PSME4: variants seen among roughly 807,000 people sequenced by gnomAD.
The protein encoded by PSME4 is proteasome activator complex subunit 4.
Under a neutral mutation model 253.9 loss-of-function variants are expected in PSME4, and 89 were observed. The ratio of observed to expected loss-of-function variants is 0.35; its 90% CI spans 0.30 to 0.42. The LOEUF is 0.42. Ranked by LOEUF, PSME4 falls within the 10% of genes least tolerant of loss-of-function variation. The probability of loss-of-function intolerance (pLI) is 1.00; values close to 1 mark genes in which losing one functional copy is unlikely to be tolerated. For missense variants in PSME4, 2,014 were observed against 2,195.2 expected (o/e 0.92, Z 1.65); for synonymous variants, 851 against 759.2 (o/e 1.12, Z -1.99).
intron 46 of PSME4, chr2:53,865,847 C>G (rs805379): frequency 2.2e-6 from 1 of 460,438 alleles, no homozygotes; most frequent in Non-Finnish European, 3.8e-6. Flanking sequence ...CACCACTCAT[C>G]TACAAAGGTC....
rs1389969387 is a variant in PSME4 at position 53,865,052 on chromosome 2, G to A, written c.*526C>T. On this transcript the variant is annotated 3_prime_UTR_variant, in exon 47 of 47. Coordinates refer to ENST00000404125, the MANE Select transcript of PSME4 (RefSeq NM_014614.3). ...GGTCGAGCAATCCATCAGGTCATTG[G>A]TTAGGTTCAGGACTTGCCCTCTTTT... 3 of 152,634 alleles carry A rather than the reference G, an allele frequency of 2.0e-5. No homozygotes were observed. The highest frequency in any genetic ancestry group is 2.1e-4 in the South Asian group (1 of 4,822). The allele number at this position is 152,634 out of a possible 1,614,324, so 9.5% of individuals were successfully genotyped here. A position where few individuals can be genotyped will look rare whatever the true frequency, so the allele number is the denominator to read the frequency against.
intron 36 of PSME4, among the ~76,000 whole-genome samples, chr2:53,890,888 G>A (rs915382830): frequency 1.3e-5 from 2 of 152,108 alleles, no homozygotes; most frequent in African/African-American, 4.8e-5. Flanking sequence ...TTAGCTGAGC[G>A]TAGTGGCACA....
At chr2:53,923,237 G>T in intron 15 of PSME4, 84 bp downstream of exon 15, 2 of 1,475,080 alleles carry the variant, frequency 1.4e-6, no homozygotes, top group Non-Finnish European at 1.8e-6. Flanking sequence ...TGCATTTTAA[G>T]CATAGAAGCA....
At position 53,915,760 on chromosome 2, in the gene PSME4, T is replaced by A. The variant is rs140952347; in HGVS notation, c.2516+3391A>T. On this transcript the variant is annotated intron_variant, in intron 20 of 46. Transcript: ENST00000404125. ...AATTTTATCTAAGATTTATATAAGT[T>A]TAAATGTTTAAAAAAAAGAATTTTA... 2.6e-5 allele frequency among the ~76,000 whole-genome samples: 4 copies of A among 151,910 alleles called. No individual in the cohort carries two copies. In the South Asian group the frequency reaches 8.3e-4, roughly 32 times the overall value.
chr2:53,961,349 T>C (rs1670488275), intron 1 of PSME4, among the ~76,000 whole-genome samples: 3 of 152,002 alleles, frequency 2.0e-5, no homozygotes, highest in South Asian at 2.1e-4. Flanking sequence ...GACAGAAACA[T>C]AGATTAGGAT....
chr2:53,964,007 AT>A (rs759380061), intron 1 of PSME4, among the ~76,000 whole-genome samples: 2 of 152,198 alleles, frequency 1.3e-5, no homozygotes, highest in Non-Finnish European at 2.9e-5. Context: ...AATATTTGAT[AT>A]TTTTCATAAT....
At chr2:53,923,165 A>G (rs748819107) in intron 15 of PSME4, 47 bp from the exon 16 acceptor site, 1 of 1,521,592 alleles carries the variant, frequency 6.6e-7, no homozygotes, top group South Asian at 1.2e-5. Context: ...AGGCAAATAT[A>G]TACAAGATTA....
chr2:53,965,792 C>T (rs12329248), intron 1 of PSME4, among the ~76,000 whole-genome samples: 3,070 of 151,968 alleles, frequency 0.02, 103 homozygotes, highest in African/African-American at 0.071. Context: ...GCCTCAGCCC[C>T]CCGAGTAGCT....
Position 53,940,002 on chromosome 2 carries a change from TGG to T in PSME4, c.501-4_501-3del. 6.4e-7 allele frequency: 1 copy of T among 1,570,530 alleles called. No individual in the cohort carries two copies. Among genetic ancestry groups the T allele is most frequent in the Non-Finnish European group, 8.7e-7 (1 of 1,149,642 alleles). ...GTTTTGAGAATATTTTCTACAGAAC[TGG>T]GGGGGGAAAGCCATTTGATAATTAG... On this transcript the variant is annotated splice_region_variant and splice_polypyrimidine_tract_variant and intron_variant, in intron 3 of 46. Coordinates refer to ENST00000404125, the MANE Select transcript of PSME4 (RefSeq NM_014614.3).
intron 2 of PSME4, 40 bp from the exon 3 acceptor site, chr2:53,948,577 G>A (rs772178357): frequency 1.7e-6 from 2 of 1,170,334 alleles, no homozygotes; most frequent in African/African-American, 1.5e-5. Context: ...GTATGCATAT[G>A]TGCACAGATG....
chr2:53,872,601 G>A (rs533679887), intron 43 of PSME4, among the ~76,000 whole-genome samples: 5 of 151,802 alleles, frequency 3.3e-5, no homozygotes, highest in African/African-American at 7.2e-5. Flanking sequence ...AAGTAATTCC[G>A]TGTGGTGGCA....
In PSME4 at chr2:53,874,422, G is replaced by A. The variant is rs199594063; in HGVS notation, c.5017C>T (p.Leu1673Phe). Residue 1673 changes from leucine to phenylalanine, a missense_variant, in exon 43 of 47, where the codon CTC becomes TTC. Leu to Phe is a conservative substitution (Grantham distance 22). Coordinates refer to ENST00000404125, the MANE Select transcript of PSME4 (RefSeq NM_014614.3). ...TCTTCATTGTTTAGGAAAATAAAGA[G>A]GTTATAAAATACCATGGTCTGGAGG... ...TYLQTMVFYN[L>F]FIFLNNEDAV... The A allele has an allele frequency of 2.5e-6, 4 of 1,613,868 alleles. No homozygotes were observed. Among genetic ancestry groups the A allele is most frequent in the Non-Finnish European group, 3.4e-6 (4 of 1,179,802 alleles).
intron 10 of PSME4, among the ~76,000 whole-genome samples, chr2:53,930,229 C>T (rs1183865768): frequency 2.0e-5 from 3 of 151,950 alleles, no homozygotes; most frequent in African/African-American, 7.3e-5. Flanking sequence ...TAAAGAAAAA[C>T]GTGATAGGTC....
Position 53,923,571 on chromosome 2 carries a change from T to G in PSME4, c.1810-152A>C, listed in dbSNP as rs1316575726. On this transcript the variant is annotated intron_variant, in intron 14 of 46. Coordinates refer to ENST00000404125, the MANE Select transcript of PSME4 (RefSeq NM_014614.3). ...TCTGATTTTATAAGAATTTGTTTAA[T>G]GATGTTACATTCAGGTCTAAGAACA... 3 of 1,119,338 alleles carry G rather than the reference T, an allele frequency of 2.7e-6. No homozygotes were observed. The East Asian group carries it at 8.3e-5, about 31-fold the overall frequency. 69.3% of individuals were successfully genotyped at this position (1,119,338 alleles called of 1,614,324 possible).
chr2:53,867,502 G>GAA lies in PSME4; in HGVS notation c.5264-624_5264-623dup, dbSNP rs35076319. ...ATACAGAGTGAGGCTCCGTCTCAAGGAAAAAAAAAAAAAAAAAAAAGCTAG... is the reference window on the plus strand; with the variant it reads ...ATACAGAGTGAGGCTCCGTCTCAAGGAAAAAAAAAAAAAAAAAAAAAAGCTAG... On this transcript the variant is annotated intron_variant, in intron 44 of 46. Transcript: ENST00000404125. Among the ~76,000 whole-genome samples the GAA allele has an allele frequency of 9.3e-4, 93 of 100,082 alleles. 1 individual carries two copies. The highest frequency in any genetic ancestry group is 2.4e-3 in the African/African-American group (61 of 25,234). 65.7% of individuals were successfully genotyped at this position (100,082 alleles called of 152,430 possible).
Position 53,970,610 on chromosome 2 carries a change from G to C in PSME4, c.175C>G (p.Leu59Val). The C allele has an allele frequency of 7.7e-6, 12 of 1,549,764 alleles. No homozygotes were observed. The highest frequency in any genetic ancestry group is 1.0e-5 in the Non-Finnish European group (12 of 1,146,934). ...TCTTGGAGCTGCACGGCCCGGCCCAGGTTGCATTTGATCTGGGCCAGCTGC... is the reference window on the plus strand; with the variant it reads ...TCTTGGAGCTGCACGGCCCGGCCCACGTTGCATTTGATCTGGGCCAGCTGC... ...DLQLAQIKCN[L>V]GRAVQLQELW... The change falls in exon 1 of 47, where the codon CTG becomes GTG. Residue 59 changes from leucine to valine, a missense_variant. Leu to Val is a conservative substitution (Grantham distance 32). This residue lies in a region of PSME4 where 615 missense variants were observed against 594.4 expected (regional missense o/e 1.03). Transcript: ENST00000404125.
At chr2:53,968,414 A>G (rs564580609) in intron 1 of PSME4, among the ~76,000 whole-genome samples, 13 of 152,218 alleles carry the variant, frequency 8.5e-5, no homozygotes, top group East Asian at 3.9e-4. Context: ...ACCACTTTCT[A>G]TTCTACAAAG....
At chr2:53,866,025 CAATAAA>C in intron 46 of PSME4, 54 bp downstream of exon 46, 1 of 1,441,438 alleles carries the variant, frequency 6.9e-7, no homozygotes, top group South Asian at 1.4e-5. Context: ...AGAAAAAAAA[CAATAAA>C]TATCTAGTTC....
In PSME4 at chr2:53,893,784, A is replaced by T. The variant is rs1680019896; in HGVS notation, c.3928T>A (p.Phe1310Ile). Residue 1310 changes from phenylalanine (F) to isoleucine (I), a missense_variant, in exon 35 of 47, where the codon TTT (phenylalanine) becomes ATT (isoleucine). Coordinates refer to ENST00000404125, the MANE Select transcript of PSME4 (RefSeq NM_014614.3). ...EDMTEAEQII[F>I]DHFSDPKFVE... ...AATTTAGGATCAGAAAAATGATCAA[A>T]TATAATCTGTTCTGCCTATAAAGTT... 1 of 1,608,984 alleles carries T rather than the reference A, an allele frequency of 6.2e-7. No individual in the cohort carries two copies. The highest frequency in any genetic ancestry group is 8.5e-7 in the Non-Finnish European group (1 of 1,177,538).
Sources: gnomAD v4.1 joint callset for allele counts (sites outside exome capture counted in the v4.1 genomes callset) on GRCh38, gnomAD v4.1.1 for gene constraint, gnomAD v4.1.1 regional missense constraint, MANE v1.5 for transcripts, NCBI Gene and HGNC (gene_info 2026-07-23, HGNC 2026-07-21) for gene names.